ADAP1: variants seen among roughly 807,000 people sequenced by gnomAD.
The protein encoded by ADAP1 is ArfGAP with dual PH domains 1, also known as arf-GAP with dual PH domain-containing protein 1.
ADAP1 carries 31 observed loss-of-function variants against 54.9 expected under a neutral mutation model. The ratio of observed to expected loss-of-function variants is 0.56; its 90% CI spans 0.42 to 0.76. The LOEUF (loss-of-function observed/expected upper bound fraction) is 0.76, where lower values mean the gene tolerates loss of function less well. Ranked by LOEUF, ADAP1 falls within the 30% of genes least tolerant of loss-of-function variation. The pLI is 0.00. For missense variants in ADAP1, 535 were observed against 512.4 expected, an observed-to-expected ratio of 1.04 and a Z score of -0.42; for synonymous variants, 313 against 202.6, an observed-to-expected ratio of 1.55 and a Z score of -4.63.
rs186146664 is a variant in ADAP1 at position 900,472 on chromosome 7, G to A, written c.732+61C>T. 1.1e-3 allele frequency: 1,589 copies of A among 1,496,872 alleles called. 6 individuals are homozygous for A. Among genetic ancestry groups the A allele is most frequent in the Admixed American group, 1.7e-3 (87 of 51,792 alleles). The allele number at this position is 1,496,872 out of a possible 1,614,324, so 92.7% of individuals were successfully genotyped here. On this transcript the variant is annotated intron_variant, in intron 7 of 10. Transcript: ENST00000265846. ...CCCAGACTCAGGGCACGAGGGCTCC[G>A]TCCACCCCCCACCCCACCACCCCTG...
chr7:904,820 C>A (rs1368005051), intron 5 of ADAP1, among the ~76,000 whole-genome samples: 1 of 152,234 alleles, frequency 6.6e-6, no homozygotes, highest in African/African-American at 2.4e-5. Flanking sequence ...GGCCTGAGTT[C>A]AGGGGGCCCC....
intron 6 of ADAP1, chr7:900,863 G>GAGAAGGGCCGAAGGGC (rs1554270363): frequency 6.9e-6 from 4 of 581,558 alleles, no homozygotes; most frequent in Non-Finnish European, 1.2e-5. Flanking sequence ...GCGAAGTCCT[G>GAGAAGGGCCGAAGGGC]AGAAGGGCCG....
chr7:904,962 G>A (rs1450141890), intron 5 of ADAP1, 98 bp downstream of exon 5: 16 of 1,034,370 alleles, frequency 1.5e-5, no homozygotes, highest in Admixed American at 3.7e-5. Context: ...CAGCAGGGAG[G>A]GCAGCTGCGG....
At chr7:952,028 C>T (rs954102882) in intron 1 of ADAP1, among the ~76,000 whole-genome samples, 3 of 152,148 alleles carry the variant, frequency 2.0e-5, no homozygotes, top group Admixed American at 6.5e-5. Flanking sequence ...CCCTCCCTCC[C>T]CCAAACCCCC....
At chr7:927,568 A>T in intron 2 of ADAP1, 1 of 462,192 alleles carries the variant, frequency 2.2e-6, no homozygotes, top group South Asian at 1.6e-5. Context: ...ATCACATGGC[A>T]GTAAACAGGG....
intron 4 of ADAP1, among the ~76,000 whole-genome samples, chr7:914,092 G>A (rs901857905): frequency 5.9e-5 from 9 of 152,184 alleles, no homozygotes; most frequent in Non-Finnish European, 7.3e-5. Flanking sequence ...AGAACAACCC[G>A]GCCATTTCCA....
chr7:946,578 C>G lies in ADAP1; in HGVS notation c.82+7818G>C, dbSNP rs934984711. Among the ~76,000 whole-genome samples the G allele has an allele frequency of 7.0e-6, 1 of 143,468 alleles. No individual in the cohort carries two copies. The highest frequency in any genetic ancestry group is 2.5e-5 in the African/African-American group (1 of 40,000). The allele number at this position is 143,468 out of a possible 152,430, so 94.1% of individuals were successfully genotyped here. A position where few individuals can be genotyped will look rare whatever the true frequency, so the allele number is the denominator to read the frequency against. ...CTGCCCCTGCCCTCCCACCCTCTCT[C>G]CCTCCTGGTGCTCCAGCCCCATGGC... is the stretch of plus-strand genomic sequence containing the variant. On this transcript the variant is annotated intron_variant, in intron 1 of 10. Coordinates refer to ENST00000265846, the MANE Select transcript of ADAP1 (RefSeq NM_006869.4). This position sits in a 1 kb window ranked among gnomAD's most constrained non-coding sequence, Gnocchi z 4.3.
At position 898,555 on chromosome 7, in the gene ADAP1, C is replaced by A. The variant is rs1844616960; in HGVS notation, c.*366G>T. On this transcript the variant is annotated 3_prime_UTR_variant, in exon 11 of 11. Transcript: ENST00000265846. ...CCCACCGTGCTGGCCCCAAGCAGGG[C>A]TCTGCGCTGAGGCCTGGAAGTTCCC... 2 of 364,890 alleles carry A rather than the reference C, an allele frequency of 5.5e-6. No homozygotes were observed. The highest frequency in any genetic ancestry group is 5.3e-6 in the Non-Finnish European group (1 of 190,428). The allele number at this position is 364,890 out of a possible 1,614,324, so 22.6% of individuals were successfully genotyped here. A position where few individuals can be genotyped will look rare whatever the true frequency, so the allele number is the denominator to read the frequency against.
intron 3 of ADAP1, among the ~76,000 whole-genome samples, chr7:925,466 C>CT (rs1846350183): frequency 6.6e-6 from 1 of 151,992 alleles, no homozygotes; most frequent in African/African-American, 2.4e-5. Flanking sequence ...CCGGCCTCCC[C>CT]TCCACCCTAT....
rs3824075 is a variant in ADAP1 at position 920,505 on chromosome 7, T to C, written c.306-455A>G. ...CGGCGCCGCCCTCCACCCACCGTGCTGCCACCTTGCACCCCCCGTGCCGCC... is the reference window on the plus strand; with the variant it reads ...CGGCGCCGCCCTCCACCCACCGTGCCGCCACCTTGCACCCCCCGTGCCGCC... On this transcript the variant is annotated intron_variant, in intron 3 of 10. Transcript: ENST00000265846. This position sits in a 1 kb window ranked among gnomAD's most constrained non-coding sequence, Gnocchi z 4.5. 0.69 allele frequency among the ~76,000 whole-genome samples: 104,356 copies of C among 150,718 alleles called. 36,445 individuals carry two copies. Among genetic ancestry groups the C allele is most frequent in the Middle Eastern group, 0.74 (218 of 294 alleles).
At chr7:955,357 T>G (rs1274931331), upstream of ADAP1, 4 of 1,550,402 alleles carry the variant, frequency 2.6e-6, no homozygotes, top group Non-Finnish European at 8.7e-7. Flanking sequence ...CTTTCCATTT[T>G]CTTCTTGCAG....
chr7:922,921 C>G (rs905190345), intron 3 of ADAP1: 1 of 150,358 alleles, frequency 6.7e-6, no homozygotes, highest in Admixed American at 6.6e-5. Context: ...AACCGCGACC[C>G]CATCCTACTG....
chr7:902,795 G>A (rs9719259), intron 6 of ADAP1, among the ~76,000 whole-genome samples: 7,441 of 152,152 alleles, frequency 0.049, 183 homozygotes, highest in Non-Finnish European at 0.056. Flanking sequence ...GCCAACACAC[G>A]CACAGCATTG....
intron 4 of ADAP1, among the ~76,000 whole-genome samples, chr7:913,852 G>A (rs535744414): frequency 1.3e-5 from 2 of 152,242 alleles, no homozygotes; most frequent in East Asian, 1.9e-4. Flanking sequence ...GGAGAATGGC[G>A]GGAACCCGGG....
chr7:908,504 A>G (rs1845573725), intron 4 of ADAP1, among the ~76,000 whole-genome samples: 1 of 152,080 alleles, frequency 6.6e-6, no homozygotes, highest in South Asian at 2.1e-4. Flanking sequence ...TGCGCACAGC[A>G]GCAGCCAGGA....
intron 1 of ADAP1, among the ~76,000 whole-genome samples, chr7:942,577 A>T (rs1214214489): frequency 4.7e-4 from 39 of 82,296 alleles, no homozygotes; most frequent in African/African-American, 1.5e-3. Flanking sequence ...AGGAGGAGGA[A>T]GGGAGAGAGG....
chr7:912,782 C>A (rs1291237375), intron 4 of ADAP1, among the ~76,000 whole-genome samples: 1 of 151,670 alleles, frequency 6.6e-6, no homozygotes, highest in Admixed American at 6.6e-5. Context: ...CTCCCTGCAA[C>A]CTCCGCTTCC....
chr7:906,595 AGAAGGGAGAAAGGGAGAAAGG>A lies in ADAP1; in HGVS notation c.389-1444_389-1424del, dbSNP rs1478240361. Among the ~76,000 whole-genome samples, 8 of 16,378 alleles carry A rather than the reference AGAAGGGAGAAAGGGAGAAAGG, an allele frequency of 4.9e-4. 2 individuals carry two copies. Among genetic ancestry groups the A allele is most frequent in the African/African-American group, 1.1e-3 (3 of 2,636 alleles). The allele number at this position is 16,378 out of a possible 152,430, so 10.7% of individuals were successfully genotyped here. On this transcript the variant is annotated intron_variant, in intron 4 of 10. Transcript: ENST00000265846. ...AAAGGGAAAGGAGAAAGGAGAAAGG[AGAAGGGAGAAAGGGAGAAAGG>A]GAAAGGAGAAAGGAGAAAGGAGAAA...
rs997884723 is a variant in ADAP1 at position 898,390 on chromosome 7, C to G, written c.*531G>C. The G allele has an allele frequency of 5.4e-6, 1 of 183,560 alleles. No homozygotes were observed. The highest frequency in any genetic ancestry group is 2.4e-5 in the African/African-American group (1 of 42,174). The allele number at this position is 183,560 out of a possible 1,614,324, so 11.4% of individuals were successfully genotyped here. On this transcript the variant is annotated 3_prime_UTR_variant, in exon 11 of 11. Transcript: ENST00000265846. ...CTCCAGCCCGGGCAGGGGCCGGGAC[C>G]TGTGTGGATAATCCACCCAAACACC... is the stretch of plus-strand genomic sequence containing the variant.
Sources: gnomAD v4.1 joint callset for allele counts (sites outside exome capture counted in the v4.1 genomes callset) on GRCh38, gnomAD v4.1.1 for gene constraint, Gnocchi (gnomAD v3.1) non-coding constraint, MANE v1.5 for transcripts, NCBI Gene and HGNC (gene_info 2026-07-23, HGNC 2026-07-21) for gene names.